KCNH8: variants seen among roughly 807,000 people sequenced by gnomAD.
KCNH8 encodes the protein potassium voltage-gated channel subfamily H member 8.
KCNH8 carries 70 observed loss-of-function variants against 103.6 expected under a neutral mutation model. The ratio of observed to expected loss-of-function variants is 0.68; its 90% confidence interval spans 0.56 to 0.82. The LOEUF is 0.82. KCNH8 is among the 40% of genes least tolerant of loss of function. The pLI, the probability that KCNH8 is intolerant of heterozygous loss-of-function variation, is 0.00. For missense variants in KCNH8, 1,217 were observed against 1,329.9 expected (o/e 0.92, Z 1.32); for synonymous variants, 498 against 489.4 (o/e 1.02, Z -0.23).
chr3:19,527,039 A>G (rs775471467), intron 15 of KCNH8, among the ~76,000 whole-genome samples: 4 of 151,892 alleles, frequency 2.6e-5, no homozygotes, highest in Non-Finnish European at 5.9e-5. Context: ...CAGGCTGCAC[A>G]TCCCTACATT....
chr3:19,218,056 T>C (rs59043110), intron 1 of KCNH8, among the ~76,000 whole-genome samples: 14,247 of 152,200 alleles, frequency 0.094, 2,247 homozygotes, highest in African/African-American at 0.32. Context: ...ATTCTGAGAC[T>C]TCTGTCATTT....
intron 1 of KCNH8, among the ~76,000 whole-genome samples, chr3:19,195,780 G>A (rs193186959): frequency 4.6e-5 from 7 of 152,076 alleles, no homozygotes; most frequent in Admixed American, 3.3e-4. Flanking sequence ...GATCAGTTAG[G>A]AACTATTGGT....
At chr3:19,372,823 G>A (rs1045457661) in intron 5 of KCNH8, among the ~76,000 whole-genome samples, 3 of 152,152 alleles carry the variant, frequency 2.0e-5, no homozygotes, top group South Asian at 2.1e-4. Context: ...TAGCATGAAG[G>A]GTTGTTGAAT....
chr3:19,401,608 T>G (rs1481215475), intron 7 of KCNH8, among the ~76,000 whole-genome samples: 2 of 152,024 alleles, frequency 1.3e-5, no homozygotes, highest in Non-Finnish European at 2.9e-5. Context: ...TTCCACGTTT[T>G]AGAAGTAAGA....
chr3:19,302,324 G>A (rs1490320081), intron 3 of KCNH8, among the ~76,000 whole-genome samples: 1 of 152,148 alleles, frequency 6.6e-6, no homozygotes, highest in East Asian at 1.9e-4. Flanking sequence ...GAACCTCTAT[G>A]CCAGGAACCA....
chr3:19,225,678 G>A (rs2125234530), intron 1 of KCNH8, among the ~76,000 whole-genome samples: 1 of 152,252 alleles, frequency 6.6e-6, no homozygotes, highest in Middle Eastern at 3.4e-3. Context: ...TTTTGTTCAT[G>A]TGAACTTGAC....
chr3:19,210,630 C>T (rs1164159653), intron 1 of KCNH8, among the ~76,000 whole-genome samples: 1 of 151,792 alleles, frequency 6.6e-6, no homozygotes, highest in Non-Finnish European at 1.5e-5. Context: ...AGGGTTCTGA[C>T]ACATTGTAAA....
At position 19,533,493 on chromosome 3, in the gene KCNH8, G is replaced by C; in HGVS notation, c.2718G>C (p.Arg906=). 6.2e-7 allele frequency: 1 copy of C among 1,614,168 alleles called. No homozygotes were observed. Among genetic ancestry groups the C allele is most frequent in the Non-Finnish European group, 8.5e-7 (1 of 1,180,022 alleles). The change falls in exon 16 of 16, where the codon CGG becomes CGC. Residue 906 remains arginine (R), a synonymous_variant. Coordinates refer to ENST00000328405, the MANE Select transcript of KCNH8 (RefSeq NM_144633.3). ...TTCTGTCACCTCAGCAGCCATCACG[G>C]TTTTGCTCTTTGCACAGCACCTCTG... ...ENVLSPQQPS[R]FCSLHSTSVC... is the part of the protein sequence containing the mutation.
At chr3:19,249,812 T>C (rs2064252988) in intron 1 of KCNH8, among the ~76,000 whole-genome samples, 1 of 152,144 alleles carries the variant, frequency 6.6e-6, no homozygotes, top group African/African-American at 2.4e-5. Flanking sequence ...GGCTTCTTCT[T>C]TGGGAAAGGA....
intron 5 of KCNH8, among the ~76,000 whole-genome samples, chr3:19,361,659 G>A (rs980531737): frequency 3.3e-5 from 5 of 152,004 alleles, no homozygotes; most frequent in African/African-American, 1.2e-4. Context: ...ATTTGCAAAT[G>A]GAGTAAAAAT....
At chr3:19,355,915 G>A (rs2065876026) in intron 5 of KCNH8, among the ~76,000 whole-genome samples, 1 of 151,408 alleles carries the variant, frequency 6.6e-6, no homozygotes, top group South Asian at 2.1e-4. Flanking sequence ...AAATCAATAT[G>A]TGTGGTAAAA....
intron 5 of KCNH8, among the ~76,000 whole-genome samples, chr3:19,355,163 C>T (rs1337840700): frequency 6.6e-6 from 1 of 152,138 alleles, no homozygotes; most frequent in African/African-American, 2.4e-5. Flanking sequence ...CAGAGAAATG[C>T]AAATCAAAAC....
chr3:19,366,164 T>C (rs974346178), intron 5 of KCNH8, among the ~76,000 whole-genome samples: 1 of 152,102 alleles, frequency 6.6e-6, no homozygotes, highest in African/African-American at 2.4e-5. Flanking sequence ...GTATGCTGCT[T>C]TCTGAATTTT....
intron 3 of KCNH8, among the ~76,000 whole-genome samples, chr3:19,294,872 A>C (rs988664990): frequency 6.6e-6 from 1 of 152,162 alleles, no homozygotes; most frequent in East Asian, 1.9e-4. Flanking sequence ...CAGCCAGTCA[A>C]AATACTCTCG....
chr3:19,477,484 G>A (rs760056553), intron 11 of KCNH8, among the ~76,000 whole-genome samples: 1 of 151,404 alleles, frequency 6.6e-6, no homozygotes. Flanking sequence ...GGACCCTGAA[G>A]TTGAAGGGAT....
chr3:19,232,972 C>T (rs1358984503), intron 1 of KCNH8, among the ~76,000 whole-genome samples: 2 of 151,990 alleles, frequency 1.3e-5, no homozygotes, highest in African/African-American at 4.8e-5. Context: ...CTAAATAAGT[C>T]CCCTATTAGT....
intron 7 of KCNH8, among the ~76,000 whole-genome samples, chr3:19,426,585 A>G (rs919210555): frequency 2.6e-5 from 4 of 151,032 alleles, no homozygotes; most frequent in South Asian, 2.1e-4. Context: ...TTGTTTTGCC[A>G]TAGATGGCCA....
chr3:19,196,392 GTATT>G (rs769308459), intron 1 of KCNH8, among the ~76,000 whole-genome samples: 48 of 151,602 alleles, frequency 3.2e-4, no homozygotes, highest in South Asian at 8.4e-4. Flanking sequence ...AATATCATAG[GTATT>G]ATCACTTAAT....
rs200385664 is a variant in KCNH8, at chr3:19,176,425, G to A, written c.76+27630G>A. ...CTAGTTTAAGTAAGAACATTACCGA[G>A]ACAGAAAGTGTTGGATATATCTGAA... On this transcript the variant is annotated intron_variant, in intron 1 of 15. Coordinates refer to ENST00000328405, the MANE Select transcript of KCNH8 (RefSeq NM_144633.3). Among the ~76,000 whole-genome samples, 12 of 152,092 alleles carry A rather than the reference G, an allele frequency of 7.9e-5. No homozygotes were observed. In the East Asian group the frequency reaches 2.1e-3, roughly 27 times the overall value.
Sources: allele counts gnomAD v4.1 joint callset (sites outside exome capture counted in the v4.1 genomes callset), GRCh38; gene constraint gnomAD v4.1.1; transcripts MANE v1.5; gene names NCBI Gene and HGNC (gene_info 2026-07-23, HGNC 2026-07-21).